The following PCSK2 variants were observed in gnomAD, a reference collection of about 807,000 sequenced individuals.
PCSK2 encodes the protein neuroendocrine convertase 2.
In PCSK2, 14 loss-of-function variants were observed where a neutral mutation model predicts 69.7. The observed-to-expected ratio is 0.20, with a 90% CI of 0.13 to 0.31. The LOEUF is 0.31. Ranked by LOEUF, PCSK2 falls within the 10% of genes least tolerant of loss-of-function variation. The probability of loss-of-function intolerance (pLI) is 1.00; values close to 1 mark genes in which losing one functional copy is unlikely to be tolerated. For synonymous variants in PCSK2, 307 were observed against 320.7 expected, an observed-to-expected ratio of 0.96 and a Z score of 0.46; for missense variants, 544 against 842.5, an observed-to-expected ratio of 0.65 and a Z score of 4.39.
At chr20:17,285,437 G>C (rs147301264) in intron 2 of PCSK2, among the ~76,000 whole-genome samples, 1 of 152,330 alleles carries the variant, frequency 6.6e-6, no homozygotes, top group Admixed American at 6.5e-5. Flanking sequence ...CAGAAGGCTG[G>C]ATAATGTCAT....
At chr20:17,341,054 C>T (rs1990496995) in intron 2 of PCSK2, among the ~76,000 whole-genome samples, 1 of 152,018 alleles carries the variant, frequency 6.6e-6, no homozygotes, top group Non-Finnish European at 1.5e-5. Context: ...AGTTCGAGAG[C>T]AGCCTGGCCA....
chr20:17,383,231 C>T (rs937035192), intron 5 of PCSK2, among the ~76,000 whole-genome samples: 1 of 152,174 alleles, frequency 6.6e-6, no homozygotes, highest in African/African-American at 2.4e-5. Flanking sequence ...GCTTTCTCCT[C>T]ACATAGCTCC....
chr20:17,358,446 T>C lies in PCSK2; in HGVS notation c.396+6T>C, dbSNP rs756825966. The C allele has an allele frequency of 4.2e-5, 58 of 1,393,758 alleles. No homozygotes were observed. The highest frequency in any genetic ancestry group is 5.5e-5 in the Non-Finnish European group (54 of 979,096). 86.3% of individuals were successfully genotyped at this position (1,393,758 alleles called of 1,614,324 possible). A position where few individuals can be genotyped will look rare whatever the true frequency, so the allele number is the denominator to read the frequency against. On this transcript the variant is annotated splice_donor_region_variant and intron_variant, in intron 3 of 11. Coordinates refer to ENST00000262545, the MANE Select transcript of PCSK2 (RefSeq NM_002594.5). ...TTACAAAGCAGTGGTATCTGGTGAG[T>C]GTCTTTATGTCCTTTTGGACATTTC...
At chr20:17,292,799 C>T (rs1456649651) in intron 2 of PCSK2, among the ~76,000 whole-genome samples, 1 of 151,870 alleles carries the variant, frequency 6.6e-6, no homozygotes, top group Non-Finnish European at 1.5e-5. Context: ...ATTGTGAATA[C>T]TTTTTCTTAT....
chr20:17,446,493 A>G (rs2123368386), intron 8 of PCSK2, among the ~76,000 whole-genome samples: 1 of 152,258 alleles, frequency 6.6e-6, no homozygotes, highest in South Asian at 2.1e-4. Flanking sequence ...ACCTCACCCA[A>G]CCACAAAGAG....
intron 2 of PCSK2, among the ~76,000 whole-genome samples, chr20:17,344,373 G>A (rs374909368): frequency 2.0e-5 from 3 of 152,000 alleles, no homozygotes; most frequent in South Asian, 2.1e-4. Context: ...TTTTTCTACC[G>A]TCACCCTGGA....
chr20:17,235,833 G>C (rs1986317526), intron 1 of PCSK2, among the ~76,000 whole-genome samples: 1 of 152,020 alleles, frequency 6.6e-6, no homozygotes, highest in East Asian at 1.9e-4. Context: ...TTTGTGAGAT[G>C]GTAAACATCT....
intron 2 of PCSK2, among the ~76,000 whole-genome samples, chr20:17,334,161 A>C (rs7265784): frequency 0.1 from 15,612 of 151,566 alleles, 1,077 homozygotes; most frequent in African/African-American, 0.19. Flanking sequence ...AGAGCAGTGG[A>C]GTGGGCAATC....
At chr20:17,234,115 C>T (rs1035866649) in intron 1 of PCSK2, among the ~76,000 whole-genome samples, 3 of 152,146 alleles carry the variant, frequency 2.0e-5, no homozygotes, top group African/African-American at 4.8e-5. Context: ...CAGTAAATAT[C>T]CCTTTGCTTA....
chr20:17,472,154 CCTGT>C (rs1223960574), intron 11 of PCSK2, among the ~76,000 whole-genome samples: 1 of 152,224 alleles, frequency 6.6e-6, no homozygotes, highest in African/African-American at 2.4e-5. Context: ...CTGGGAGTGA[CCTGT>C]CTAACACAGC....
rs76304439 is a variant in PCSK2 at position 17,302,759 on chromosome 20, C to T, written c.282+42415C>T. ...CAGTCATCAGAAAAGCTTTGAGGAA[C>T]GCACTGTGATGTTGTTATTCAGTAC... On this transcript the variant is annotated intron_variant, in intron 2 of 11. Coordinates refer to ENST00000262545, the MANE Select transcript of PCSK2 (RefSeq NM_002594.5). Among the ~76,000 whole-genome samples, 15 of 152,222 alleles carry T rather than the reference C, an allele frequency of 9.9e-5. No homozygotes were observed. The East Asian group carries it at 1.2e-3, about 12-fold the overall frequency.
intron 5 of PCSK2, among the ~76,000 whole-genome samples, chr20:17,372,561 T>C (rs1054864083): frequency 6.6e-6 from 1 of 152,146 alleles, no homozygotes. Context: ...TTAAACTAGA[T>C]GAGACCTAAG....
At chr20:17,314,415 CT>C (rs1285474345) in intron 2 of PCSK2, among the ~76,000 whole-genome samples, 1 of 152,228 alleles carries the variant, frequency 6.6e-6, no homozygotes, top group Non-Finnish European at 1.5e-5. Flanking sequence ...TGAAATTCTT[CT>C]GCTCCAGGCA....
At chr20:17,329,855 A>G (rs1255011567) in intron 2 of PCSK2, among the ~76,000 whole-genome samples, 1 of 152,146 alleles carries the variant, frequency 6.6e-6, no homozygotes, top group Non-Finnish European at 1.5e-5. Flanking sequence ...ATCTCCCTCT[A>G]TATCGAGCCC....
At chr20:17,433,818 C>T (rs1459768521) in intron 7 of PCSK2, among the ~76,000 whole-genome samples, 1 of 19,716 alleles carries the variant, frequency 5.1e-5, no homozygotes, top group Admixed American at 3.3e-4. Flanking sequence ...TCTCTCCCCC[C>T]ACTTCCTTCC....
intron 2 of PCSK2, among the ~76,000 whole-genome samples, chr20:17,344,780 G>T (rs184771558): frequency 1.5e-3 from 230 of 152,258 alleles, no homozygotes; most frequent in African/African-American, 4.9e-3. Flanking sequence ...ACTTTGGAAG[G>T]CTCTTTTCCC....
chr20:17,420,538 A>T (rs1600566274), intron 6 of PCSK2, among the ~76,000 whole-genome samples: 1 of 152,144 alleles, frequency 6.6e-6, no homozygotes, highest in Non-Finnish European at 1.5e-5. Flanking sequence ...TATTATTTAA[A>T]TTTTTCCTTC....
intron 5 of PCSK2, among the ~76,000 whole-genome samples, chr20:17,371,213 G>A (rs190022603): frequency 5.3e-4 from 80 of 152,260 alleles, no homozygotes; most frequent in Admixed American, 1.5e-3. Context: ...CATGGAGACC[G>A]ACCTCTGCAT....
intron 5 of PCSK2, 36 bp from the exon 6 acceptor site, chr20:17,409,227 C>T: frequency 6.5e-7 from 1 of 1,544,446 alleles, no homozygotes; most frequent in Non-Finnish European, 9.0e-7. Context: ...GCGCCTCTGG[C>T]TGTACGGACC....
Sources: allele counts gnomAD v4.1 joint callset (sites outside exome capture counted in the v4.1 genomes callset), GRCh38; gene constraint gnomAD v4.1.1; transcripts MANE v1.5; gene names NCBI Gene and HGNC (gene_info 2026-07-23, HGNC 2026-07-21).